Variants in ADAMTS19 observed in about 807,000 individuals in gnomAD.
The protein encoded by ADAMTS19 is A disintegrin and metalloproteinase with thrombospondin motifs 19.
ADAMTS19 carries 93 observed loss-of-function variants against 153.3 expected under a neutral mutation model. The observed-to-expected ratio is 0.61, with a 90% confidence interval of 0.51 to 0.72. The LOEUF (loss-of-function observed/expected upper bound fraction) is 0.72, where lower values mean the gene tolerates loss of function less well. ADAMTS19 is among the 30% of genes least tolerant of loss of function. The probability of loss-of-function intolerance (pLI) is 0.00; values close to 1 mark genes in which losing one functional copy is unlikely to be tolerated. For missense variants in ADAMTS19, 1,482 were observed against 1,552.1 expected (o/e 0.95, Z 0.76); for synonymous variants, 600 against 556.6 (o/e 1.08, Z -1.10).
At chr5:129,467,080 T>A (rs1244039995) in intron 2 of ADAMTS19, among the ~76,000 whole-genome samples, 2 of 152,242 alleles carry the variant, frequency 1.3e-5, no homozygotes, top group African/African-American at 4.8e-5. Flanking sequence ...AATATTTAAA[T>A]ATTGATTAAA....
chr5:129,637,619 C>T (rs1412572608), intron 10 of ADAMTS19, among the ~76,000 whole-genome samples: 35 of 152,060 alleles, frequency 2.3e-4, no homozygotes, highest in Admixed American at 1.4e-3. Context: ...CCGATGCGGG[C>T]GGATCAGCTG....
At position 129,638,576 on chromosome 5, in the gene ADAMTS19, T is replaced by C. The variant is rs451188; in HGVS notation, c.1771-3283T>C. On this transcript the variant is annotated intron_variant, in intron 10 of 22. Transcript: ENST00000274487. ...ACTCTCTGTCTCACACACACACACA[T>C]ACACACACACACACACACACACACA... Among the ~76,000 whole-genome samples the C allele has an allele frequency of 7.1e-4, 54 of 75,794 alleles. 1 individual carries two copies. The highest frequency in any genetic ancestry group is 3.4e-3 in the South Asian group (8 of 2,354). 49.7% of individuals were successfully genotyped at this position (75,794 alleles called of 152,430 possible). A position where few individuals can be genotyped will look rare whatever the true frequency, so the allele number is the denominator to read the frequency against.
At chr5:129,645,116 T>C (rs953408048) in intron 11 of ADAMTS19, among the ~76,000 whole-genome samples, 2 of 152,302 alleles carry the variant, frequency 1.3e-5, no homozygotes, top group East Asian at 3.9e-4. Context: ...AGAACTATAA[T>C]TAGTGTGTTG....
At chr5:129,550,927 C>G (rs1437776363) in intron 6 of ADAMTS19, among the ~76,000 whole-genome samples, 4 of 151,498 alleles carry the variant, frequency 2.6e-5, no homozygotes, top group African/African-American at 9.7e-5. Flanking sequence ...AATCCCCAAC[C>G]AAAACATCAC....
chr5:129,532,021 AG>A (rs2126776414), intron 6 of ADAMTS19, among the ~76,000 whole-genome samples: 1 of 152,308 alleles, frequency 6.6e-6, no homozygotes, highest in African/African-American at 2.4e-5. Context: ...TAATTCAAAA[AG>A]GATCACAGAA....
At chr5:129,485,936 G>A (rs1325248562) in intron 2 of ADAMTS19, among the ~76,000 whole-genome samples, 2 of 151,936 alleles carry the variant, frequency 1.3e-5, no homozygotes, top group East Asian at 3.9e-4. Flanking sequence ...GATTACAGAC[G>A]CCCACCACCA....
At chr5:129,671,753 G>T (rs1754311504) in intron 16 of ADAMTS19, among the ~76,000 whole-genome samples, 1 of 151,944 alleles carries the variant, frequency 6.6e-6, no homozygotes, top group South Asian at 2.1e-4. Flanking sequence ...TTATCAAAAA[G>T]CCTAAAATGG....
chr5:129,564,709 G>A (rs1225357305), intron 7 of ADAMTS19, among the ~76,000 whole-genome samples: 1 of 152,074 alleles, frequency 6.6e-6, no homozygotes, highest in Non-Finnish European at 1.5e-5. Flanking sequence ...AAGGTGATAT[G>A]GCTCTAAACA....
At chr5:129,578,637 C>T (rs1300986899) in intron 7 of ADAMTS19, among the ~76,000 whole-genome samples, 1 of 151,916 alleles carries the variant, frequency 6.6e-6, no homozygotes, top group Non-Finnish European at 1.5e-5. Flanking sequence ...TGTTCCCCTC[C>T]CTGTGTCCAT....
intron 6 of ADAMTS19, among the ~76,000 whole-genome samples, chr5:129,529,972 C>T (rs1752142974): frequency 6.6e-6 from 1 of 151,948 alleles, no homozygotes; most frequent in Non-Finnish European, 1.5e-5. Context: ...GGTTGAATAC[C>T]ACCAATTTAC....
At chr5:129,589,070 T>C (rs915159079) in intron 7 of ADAMTS19, among the ~76,000 whole-genome samples, 1 of 151,942 alleles carries the variant, frequency 6.6e-6, no homozygotes, top group Non-Finnish European at 1.5e-5. Flanking sequence ...AAATTAGTTA[T>C]TTCTATCCTG....
Position 129,552,765 on chromosome 5 carries a change from A to C in ADAMTS19, c.1372+858A>C, listed in dbSNP as rs116068614. Among the ~76,000 whole-genome samples, 1,410 of 152,154 alleles carry C rather than the reference A, an allele frequency of 9.3e-3. 10 individuals carry two copies. Among genetic ancestry groups the C allele is most frequent in the Middle Eastern group, 0.024 (7 of 294 alleles). On this transcript the variant is annotated intron_variant, in intron 7 of 22. Transcript: ENST00000274487. ...AGGGATATTAGTATTTTAAAAGATA[A>C]TTCTAACTAGTTCCATTAACCTAAT...
chr5:129,479,935 C>G (rs1750354343), intron 2 of ADAMTS19, among the ~76,000 whole-genome samples: 1 of 151,962 alleles, frequency 6.6e-6, no homozygotes, highest in Non-Finnish European at 1.5e-5. Flanking sequence ...AAAAAACAAG[C>G]TTTTTGGGTA....
At chr5:129,501,938 G>A (rs1751120214) in intron 2 of ADAMTS19, among the ~76,000 whole-genome samples, 1 of 152,062 alleles carries the variant, frequency 6.6e-6, no homozygotes, top group Non-Finnish European at 1.5e-5. Context: ...GGTGGCACTA[G>A]TTTGGAAAGA....
chr5:129,521,592 C>A (rs1751801414), intron 3 of ADAMTS19, among the ~76,000 whole-genome samples: 1 of 152,164 alleles, frequency 6.6e-6, no homozygotes. Flanking sequence ...ATTGGTTTAA[C>A]ATCCCCCAGA....
chr5:129,588,747 T>G (rs903181077), intron 7 of ADAMTS19, among the ~76,000 whole-genome samples: 1 of 151,824 alleles, frequency 6.6e-6, no homozygotes, highest in Non-Finnish European at 1.5e-5. Flanking sequence ...TATTTGGTGA[T>G]TCTTTGTTGT....
intron 21 of ADAMTS19, among the ~76,000 whole-genome samples, chr5:129,721,614 G>T (rs1279206340): frequency 6.6e-6 from 1 of 151,724 alleles, no homozygotes; most frequent in Non-Finnish European, 1.5e-5. Flanking sequence ...TTTACTTTAA[G>T]TTCCAGGATA....
At chr5:129,641,025 T>C (rs1369503832) in intron 10 of ADAMTS19, among the ~76,000 whole-genome samples, 1 of 152,064 alleles carries the variant, frequency 6.6e-6, no homozygotes, top group African/African-American at 2.4e-5. Flanking sequence ...CCTTTATGGA[T>C]TTCATATTTC....
intron 12 of ADAMTS19, 124 bp from the exon 13 acceptor site, chr5:129,648,674 C>A: frequency 3.1e-6 from 2 of 655,586 alleles, no homozygotes; most frequent in African/African-American, 1.9e-5. Context: ...TTTAATGTGT[C>A]CAAGTTTTCA....
Sources: gnomAD v4.1 joint callset for allele counts (sites outside exome capture counted in the v4.1 genomes callset) on GRCh38, gnomAD v4.1.1 for gene constraint, MANE v1.5 for transcripts, NCBI Gene and HGNC (gene_info 2026-07-23, HGNC 2026-07-21) for gene names.